Variants in SACS observed in about 807,000 individuals in gnomAD.
The protein encoded by SACS is sacsin molecular chaperone, also known as sacsin.
A neutral mutation model predicts 348.0 loss-of-function variants in SACS; 197 were observed. The observed-to-expected ratio is 0.57, with a 90% confidence interval of 0.50 to 0.64. SACS has a LOEUF of 0.64. Ranked by LOEUF, SACS falls within the 30% of genes least tolerant of loss-of-function variation. The pLI is 0.00. For missense variants in SACS, 4,999 were observed against 5,360.8 expected (o/e 0.93, Z 2.11); for synonymous variants, 1,985 against 1,910.6 (o/e 1.04, Z -1.02).
At chr13:23,361,788 G>GA (rs111262553) in intron 6 of SACS, among the ~76,000 whole-genome samples, 127 of 140,078 alleles carry the variant, frequency 9.1e-4, no homozygotes, top group Middle Eastern at 3.8e-3. Context: ...GAAAAAGAAG[G>GA]AAAAAAAAAA....
Position 23,334,230 on chromosome 13 carries a change from C to G in SACS, c.9646G>C (p.Asp3216His). 1 of 1,613,630 alleles carries G rather than the reference C, an allele frequency of 6.2e-7. No homozygotes were observed. Among genetic ancestry groups the G allele is most frequent in the South Asian group, 1.1e-5 (1 of 91,026 alleles). ...AKVFDISSFADLLSSVLPREY... is the reference protein window; with the variant it reads ...AKVFDISSFAHLLSSVLPREY... ...CGAGGCAACACAGAGGATAACAAATCAGCAAAGCTGGAAATGTCAAACACT... is the reference window on the plus strand; with the variant it reads ...CGAGGCAACACAGAGGATAACAAATGAGCAAAGCTGGAAATGTCAAACACT... The change falls in exon 10 of 10, where the codon GAT becomes CAT. Residue 3216 changes from aspartate (D) to histidine (H), a missense_variant. Asp to His is a moderately conservative substitution (Grantham distance 81, BLOSUM62 -1). Coordinates refer to ENST00000382292, the MANE Select transcript of SACS (RefSeq NM_014363.6).
Position 23,330,433 on chromosome 13 carries a change from G to A in SACS, c.13443C>T (p.Thr4481=). ...AGTCAGCTGCAATCAAAGCTAACTT[G>A]GTAGAAAGGTAACATTTAAAGCACA... ...EWVCFKCYLS[T]KLALIAADYA... The change falls in exon 10 of 10, where the codon ACC becomes ACT. Residue 4481 remains threonine, a synonymous_variant. Transcript: ENST00000382292. 6.2e-7 allele frequency: 1 copy of A among 1,614,120 alleles called. No homozygotes were observed. The highest frequency in any genetic ancestry group is 8.5e-7 in the Non-Finnish European group (1 of 1,179,988).
intron 2 of SACS, among the ~76,000 whole-genome samples, chr13:23,388,624 CAG>C (rs1481197660): frequency 3.4e-5 from 5 of 149,066 alleles, no homozygotes. Context: ...CGAAGTAACT[CAG>C]GAGTGGAAAA....
chr13:23,393,283 G>C (rs930466718), intron 2 of SACS, among the ~76,000 whole-genome samples: 1 of 152,182 alleles, frequency 6.6e-6, no homozygotes, highest in African/African-American at 2.4e-5. Context: ...TGGAGCCATG[G>C]AGATATGTGT....
intron 2 of SACS, among the ~76,000 whole-genome samples, chr13:23,390,273 C>T (rs1379249041): frequency 1.3e-5 from 2 of 152,012 alleles, no homozygotes; most frequent in African/African-American, 4.8e-5. Context: ...ATCATTTTTC[C>T]TGATTAATTA....
At chr13:23,410,392 T>C (rs1279847269) in intron 2 of SACS, among the ~76,000 whole-genome samples, 1 of 152,180 alleles carries the variant, frequency 6.6e-6, no homozygotes. Flanking sequence ...ACTGAAAAAG[T>C]ATCACTTAGT....
rs1883299395 is a variant in SACS, at chr13:23,328,869, T to C, written c.*1267A>G. On this transcript the variant is annotated 3_prime_UTR_variant, in exon 10 of 10. Transcript: ENST00000382292. Reference sequence around the variant, plus strand: ...TTTCCTTTATTAAAAGTATGGCACTTTATATAACAGCAGAAATAATTACAT... The same window carrying C: ...TTTCCTTTATTAAAAGTATGGCACTCTATATAACAGCAGAAATAATTACAT... 1 of 152,626 alleles carries C rather than the reference T, an allele frequency of 6.6e-6. No homozygotes were observed. Among genetic ancestry groups the C allele is most frequent in the Non-Finnish European group, 1.5e-5 (1 of 68,064 alleles). The allele number at this position is 152,626 out of a possible 1,614,324, so 9.5% of individuals were successfully genotyped here. A position where few individuals can be genotyped will look rare whatever the true frequency, so the allele number is the denominator to read the frequency against.
intron 2 of SACS, among the ~76,000 whole-genome samples, chr13:23,380,157 G>C (rs962093632): frequency 1.3e-5 from 2 of 151,662 alleles, no homozygotes; most frequent in Non-Finnish European, 2.9e-5. Context: ...GTGAGAGAGA[G>C]AGAGAGAGAG....
In SACS at chr13:23,335,332, GA is replaced by G; in HGVS notation, c.8543del (p.Phe2848SerfsTer6). ...TGCAGGCAGCTACTCCACCACGTGGGAAAAGAGTAATATCTTGGTTCTTGTG... is the reference window on the plus strand; with the variant it reads ...TGCAGGCAGCTACTCCACCACGTGGGAAAGAGTAATATCTTGGTTCTTGTG... ...SAHKNQDITLFPRGGVAACIT... is the reference protein window; with the variant it reads ...SAHKNQDITLXPRGGVAACIT... On this transcript the variant is annotated frameshift_variant, in exon 10 of 10. Coordinates refer to ENST00000382292, the MANE Select transcript of SACS (RefSeq NM_014363.6). LOFTEE classifies it high-confidence loss of function. This position sits in a 1 kb window ranked among gnomAD's most constrained non-coding sequence, Gnocchi z 4.7. 6.2e-7 allele frequency: 1 copy of G among 1,613,880 alleles called. No homozygotes were observed. The highest frequency in any genetic ancestry group is 8.5e-7 in the Non-Finnish European group (1 of 1,179,882).
rs1883627188 is a variant in SACS, at chr13:23,333,531, A to G, written c.10345T>C (p.Ser3449Pro). ...AEVEKWTQSS[S>P]SAFLEEKIHL... ...ATTTTTTCTTCAAGAAATGCAGATG[A>G]TGATGACTGTGTCCATTTCTCCACT... The change falls in exon 10 of 10, where the codon TCA becomes CCA. Residue 3449 changes from serine (S) to proline (P), a missense_variant. Transcript: ENST00000382292. 6.2e-7 allele frequency: 1 copy of G among 1,613,522 alleles called. No individual in the cohort carries two copies. The highest frequency in any genetic ancestry group is 8.5e-7 in the Non-Finnish European group (1 of 1,179,722).
intron 9 of SACS, among the ~76,000 whole-genome samples, chr13:23,343,225 A>T (rs1303209883): frequency 6.6e-6 from 1 of 152,250 alleles, no homozygotes; most frequent in Non-Finnish European, 1.5e-5. Flanking sequence ...AAGTGAATTT[A>T]GTATTTCAGA....
At chr13:23,345,824 A>T (rs1869562524) in intron 9 of SACS, among the ~76,000 whole-genome samples, 1 of 152,228 alleles carries the variant, frequency 6.6e-6, no homozygotes, top group African/African-American at 2.4e-5. Context: ...CTATAAAGCA[A>T]ATCTTATATC....
intron 2 of SACS, among the ~76,000 whole-genome samples, chr13:23,385,578 G>C (rs1037407435): frequency 2.0e-5 from 3 of 151,990 alleles, no homozygotes; most frequent in East Asian, 3.9e-4. Context: ...GGCTGGTCTC[G>C]AATTCCTGAC....
chr13:23,431,483 A>G (rs1458231332), intron 1 of SACS, among the ~76,000 whole-genome samples: 3 of 152,234 alleles, frequency 2.0e-5, no homozygotes, highest in African/African-American at 7.2e-5. Context: ...TTAAAATAGT[A>G]ACAGGATTGT....
chr13:23,371,372 G>A (rs937372894), intron 3 of SACS, among the ~76,000 whole-genome samples: 5 of 152,042 alleles, frequency 3.3e-5, no homozygotes, highest in Non-Finnish European at 5.9e-5. Flanking sequence ...AAGATTTTTC[G>A]TTAATTACAA....
chr13:23,338,273 C>A lies in SACS; in HGVS notation c.5603G>T (p.Gly1868Val). 1 of 1,614,124 alleles carries A rather than the reference C, an allele frequency of 6.2e-7. No homozygotes were observed. The highest frequency in any genetic ancestry group is 8.5e-7 in the Non-Finnish European group (1 of 1,180,004). Residue 1868 changes from glycine (G) to valine (V), a missense_variant, in exon 10 of 10, where the codon GGA becomes GTA. Gly to Val is a moderately radical substitution (Grantham distance 109). Coordinates refer to ENST00000382292, the MANE Select transcript of SACS (RefSeq NM_014363.6). ...TAAAGGTAAATAGCAAAACACCTCT[C>A]CAATGTGTGGTTTCACTGTCCACTT... is the stretch of plus-strand genomic sequence containing the variant. ...DQKWTVKPHIGEVFCYLPLRI... is the reference protein window; with the variant it reads ...DQKWTVKPHIVEVFCYLPLRI...
intron 1 of SACS, among the ~76,000 whole-genome samples, chr13:23,430,228 T>C (rs1874380724): frequency 6.6e-6 from 1 of 151,864 alleles, no homozygotes; most frequent in East Asian, 1.9e-4. Flanking sequence ...AATTAATAAA[T>C]AAAACTAAAG....
Position 23,334,884 on chromosome 13 carries a change from C to T in SACS, c.8992G>A (p.Ala2998Thr), listed in dbSNP as rs773127965. The change falls in exon 10 of 10, where the codon GCT becomes ACT. Residue 2998 changes from alanine to threonine, a missense_variant. By Grantham distance (58) the Ala-to-Thr change is moderately conservative (BLOSUM62 0). Coordinates refer to ENST00000382292, the MANE Select transcript of SACS (RefSeq NM_014363.6). Reference sequence around the variant, plus strand: ...AAGTCAGAGCCATCAATATTTGGAGCCCGCACAACAGGTAAAAGACGTTTC... The same window carrying T: ...AAGTCAGAGCCATCAATATTTGGAGTCCGCACAACAGGTAAAAGACGTTTC... Reference protein sequence around the residue: ...DMKRLLPVVRAPNIDGSDLHS... With the variant: ...DMKRLLPVVRTPNIDGSDLHS... 5.6e-6 allele frequency: 9 copies of T among 1,613,652 alleles called. No individual in the cohort carries two copies. Among genetic ancestry groups the T allele is most frequent in the African/African-American group, 1.3e-5 (1 of 74,890 alleles).
rs142967124 is a variant in SACS at position 23,340,893 on chromosome 13, C to A, written c.2983G>T (p.Val995Phe). 2.2e-3 allele frequency: 3,570 copies of A among 1,611,978 alleles called. 10 individuals carry two copies. The highest frequency in any genetic ancestry group is 2.6e-3 in the Non-Finnish European group (3,036 of 1,178,394). The change falls in exon 10 of 10, where the codon GTT (valine) becomes TTT (phenylalanine). Residue 995 changes from valine (V) to phenylalanine (F), a missense_variant. Coordinates refer to ENST00000382292, the MANE Select transcript of SACS (RefSeq NM_014363.6). ...QLKTTSCLKL[V>F]LKDIENAFYS... The stretch of plus-strand genomic sequence containing the variant: ...AATGCATTTTCAATATCTTTTAAAA[C>A]AAGCTTTAAGCAGCTAGTGGTCTTT...
Sources: allele counts gnomAD v4.1 joint callset (sites outside exome capture counted in the v4.1 genomes callset), GRCh38; gene constraint gnomAD v4.1.1; non-coding constraint Gnocchi (gnomAD v3.1); transcripts MANE v1.5; gene names NCBI Gene and HGNC (gene_info 2026-07-23, HGNC 2026-07-21).